Variants in CDKAL1 observed in about 807,000 individuals in gnomAD.
CDKAL1 encodes the protein CDKAL1 threonylcarbamoyladenosine tRNA methylthiotransferase, also known as threonylcarbamoyladenosine tRNA methylthiotransferase.
A neutral mutation model predicts 68.2 loss-of-function variants in CDKAL1; 32 were observed. The observed-to-expected ratio is 0.47, with a 90% confidence interval of 0.35 to 0.63. The LOEUF is 0.63. CDKAL1 is among the 30% of genes least tolerant of loss of function. The probability of loss-of-function intolerance (pLI) is 0.00; values close to 1 mark genes in which losing one functional copy is unlikely to be tolerated. For missense variants in CDKAL1, 606 were observed against 696.7 expected (o/e 0.87, Z 1.47); for synonymous variants, 234 against 244.3 (o/e 0.96, Z 0.39).
intron 8 of CDKAL1, among the ~76,000 whole-genome samples, chr6:20,803,918 T>C (rs2150410117): frequency 1.3e-5 from 2 of 152,326 alleles, no homozygotes; most frequent in Admixed American, 1.3e-4. Context: ...ATAACACTTC[T>C]ACCTTCAAGG....
intron 9 of CDKAL1, among the ~76,000 whole-genome samples, chr6:20,858,891 T>C (rs1375732086): frequency 6.6e-6 from 1 of 152,198 alleles, no homozygotes; most frequent in South Asian, 2.1e-4. Context: ...AAAATGTTAC[T>C]TTTCTTGGGG....
intron 11 of CDKAL1, among the ~76,000 whole-genome samples, chr6:21,006,899 AATC>A (rs1767754811): frequency 6.6e-6 from 1 of 152,348 alleles, no homozygotes; most frequent in East Asian, 1.9e-4. Context: ...TCCTTTCAGA[AATC>A]ATCGTCTCTT....
intron 11 of CDKAL1, among the ~76,000 whole-genome samples, chr6:21,014,144 A>G (rs536281626): frequency 6.6e-6 from 1 of 152,342 alleles, no homozygotes; most frequent in Non-Finnish European, 1.5e-5. Flanking sequence ...CACTTCACTT[A>G]TATCTCACTG....
Position 20,551,161 on chromosome 6 carries a change from G to A in CDKAL1, c.286+2456G>A, listed in dbSNP as rs932668584. 1.2e-4 allele frequency among the ~76,000 whole-genome samples: 18 copies of A among 151,970 alleles called. 1 individual carries two copies. The highest frequency in any genetic ancestry group is 4.3e-4 in the African/African-American group (18 of 41,392). On this transcript the variant is annotated intron_variant, in intron 4 of 15. Transcript: ENST00000274695. Reference sequence around the variant, plus strand: ...ATTACAGGCGTGAGCCACTGTGCTCGGCCTGAGAGGTTGCGTCTTATCTTA... The same window carrying A: ...ATTACAGGCGTGAGCCACTGTGCTCAGCCTGAGAGGTTGCGTCTTATCTTA...
intron 9 of CDKAL1, among the ~76,000 whole-genome samples, chr6:20,853,391 C>CAAAA (rs763959365): frequency 3.6e-5 from 2 of 55,446 alleles, no homozygotes; most frequent in Admixed American, 1.9e-4. Context: ...AAAAACAAAA[C>CAAAA]AAAAAAAAAA....
At chr6:20,654,734 G>T (rs1434349220) in intron 5 of CDKAL1, among the ~76,000 whole-genome samples, 2 of 152,064 alleles carry the variant, frequency 1.3e-5, no homozygotes, top group East Asian at 1.9e-4. Flanking sequence ...TTTTATCTGT[G>T]CATTGCCCAC....
chr6:20,930,550 G>A (rs987839682), intron 9 of CDKAL1, among the ~76,000 whole-genome samples: 8 of 152,114 alleles, frequency 5.3e-5, no homozygotes, highest in African/African-American at 1.2e-4. Context: ...GGCAATGGCC[G>A]CTGGTCCAGT....
chr6:20,918,993 G>T (rs571287297), intron 9 of CDKAL1, among the ~76,000 whole-genome samples: 4 of 152,188 alleles, frequency 2.6e-5, no homozygotes, highest in Non-Finnish European at 5.9e-5. Flanking sequence ...TACAGAAGAG[G>T]TTCTGATTAA....
At chr6:20,933,749 G>T (rs1410013074) in intron 9 of CDKAL1, among the ~76,000 whole-genome samples, 3 of 152,062 alleles carry the variant, frequency 2.0e-5, no homozygotes, top group African/African-American at 7.2e-5. Context: ...CATCCTAGTT[G>T]GGTGAATGTT....
intron 12 of CDKAL1, among the ~76,000 whole-genome samples, chr6:21,083,696 G>A (rs1217250112): frequency 1.3e-5 from 2 of 152,122 alleles, no homozygotes; most frequent in African/African-American, 4.8e-5. Flanking sequence ...CCCAATAGAG[G>A]AGTCAGTCTA....
intron 11 of CDKAL1, among the ~76,000 whole-genome samples, chr6:21,011,214 TA>T (rs541098272): frequency 2.8e-5 from 4 of 144,022 alleles, no homozygotes; most frequent in East Asian, 2.1e-4. Context: ...CCATCTCTAC[TA>T]AAAAAAATAG....
intron 10 of CDKAL1, among the ~76,000 whole-genome samples, chr6:20,970,599 G>A (rs2150753238): frequency 6.6e-6 from 1 of 152,236 alleles, no homozygotes; most frequent in Middle Eastern, 3.4e-3. Context: ...GCATGTCAAA[G>A]GTGCATCAAT....
intron 7 of CDKAL1, 105 bp from the exon 8 acceptor site, chr6:20,781,039 TC>T: frequency 9.0e-7 from 1 of 1,106,714 alleles, no homozygotes; most frequent in Non-Finnish European, 1.3e-6. Flanking sequence ...CTATGTTGTT[TC>T]CCCTGCTCCC....
At chr6:20,847,647 G>A (rs939212906) in intron 9 of CDKAL1, among the ~76,000 whole-genome samples, 25 of 152,124 alleles carry the variant, frequency 1.6e-4, no homozygotes, top group African/African-American at 5.3e-4. Flanking sequence ...CTCTTCACTC[G>A]CTTACATCTA....
intron 9 of CDKAL1, among the ~76,000 whole-genome samples, chr6:20,946,269 T>G (rs1373122385): frequency 3.3e-5 from 5 of 152,200 alleles, no homozygotes; most frequent in Non-Finnish European, 7.3e-5. Context: ...TTGTGGTTCC[T>G]TGGGAACTGC....
intron 15 of CDKAL1, among the ~76,000 whole-genome samples, chr6:21,220,201 CGT>C (rs144863478): frequency 0.088 from 13,205 of 149,962 alleles, 1,665 homozygotes; most frequent in African/African-American, 0.28. Context: ...TGCGTGCGTG[CGT>C]GTGTGTGTGT....
At chr6:20,583,853 A>G (rs887877728) in intron 4 of CDKAL1, among the ~76,000 whole-genome samples, 3 of 151,320 alleles carry the variant, frequency 2.0e-5, no homozygotes, top group Admixed American at 6.6e-5. Context: ...GCTACTTACA[A>G]AATTTTTGAG....
chr6:21,068,512 C>G (rs1771582496), intron 12 of CDKAL1, among the ~76,000 whole-genome samples: 1 of 152,114 alleles, frequency 6.6e-6, no homozygotes, highest in Non-Finnish European at 1.5e-5. Flanking sequence ...ACTCGCCTGC[C>G]TGGTCACCTT....
chr6:21,127,456 A>G (rs139472135), intron 13 of CDKAL1, among the ~76,000 whole-genome samples: 1 of 152,334 alleles, frequency 6.6e-6, no homozygotes, highest in African/African-American at 2.4e-5. Context: ...ATTTTTATAA[A>G]CAATGTAAAA....
Sources: gnomAD v4.1 joint callset for allele counts (sites outside exome capture counted in the v4.1 genomes callset) on GRCh38, gnomAD v4.1.1 for gene constraint, MANE v1.5 for transcripts, NCBI Gene and HGNC (gene_info 2026-07-23, HGNC 2026-07-21) for gene names.